The following ASAP1 variants were observed in gnomAD, a reference collection of about 807,000 sequenced individuals.
ASAP1 encodes the protein ArfGAP with SH3 domain, ankyrin repeat and PH domain 1, also known as arf-GAP with SH3 domain, ANK repeat and PH domain-containing protein 1.
Under a neutral mutation model 145.2 loss-of-function variants are expected in ASAP1, and 43 were observed. The observed-to-expected ratio is 0.30, with a 90% CI of 0.23 to 0.38. ASAP1 has a LOEUF of 0.38. Ranked by LOEUF, ASAP1 falls within the 10% of genes least tolerant of loss-of-function variation. ASAP1 has a pLI of 1.00. For synonymous variants in ASAP1, 546 were observed against 515.5 expected (o/e 1.06, Z -0.80); for missense variants, 1,018 against 1,355.3 (o/e 0.75, Z 3.91).
chr8:130,261,774 A>G (rs1251252395), intron 3 of ASAP1, among the ~76,000 whole-genome samples: 1 of 152,090 alleles, frequency 6.6e-6, no homozygotes, highest in Non-Finnish European at 1.5e-5. Flanking sequence ...GAGGGGGGCA[A>G]GGGACCTGGG....
chr8:130,215,553 C>T (rs1311356974), intron 4 of ASAP1, among the ~76,000 whole-genome samples: 1 of 152,094 alleles, frequency 6.6e-6, no homozygotes, highest in Non-Finnish European at 1.5e-5. Context: ...ACCATCCTGA[C>T]TAACACGGTG....
At chr8:130,395,063 C>T (rs1399873804) in intron 2 of ASAP1, among the ~76,000 whole-genome samples, 1 of 152,154 alleles carries the variant, frequency 6.6e-6, no homozygotes, top group Non-Finnish European at 1.5e-5. Flanking sequence ...AGAGCATTTC[C>T]CATCAACCAG....
intron 3 of ASAP1, among the ~76,000 whole-genome samples, chr8:130,321,336 G>A (rs1823990325): frequency 6.6e-6 from 1 of 152,036 alleles, no homozygotes; most frequent in African/African-American, 2.4e-5. Flanking sequence ...ATTTGACCAT[G>A]TGGGCTTACA....
intron 3 of ASAP1, among the ~76,000 whole-genome samples, chr8:130,268,625 A>C (rs1820410286): frequency 6.6e-6 from 1 of 152,182 alleles, no homozygotes. Flanking sequence ...GTAACGGTTA[A>C]AACAATGTAT....
At chr8:130,122,527 T>C (rs1403696963) in intron 18 of ASAP1, among the ~76,000 whole-genome samples, 1 of 152,228 alleles carries the variant, frequency 6.6e-6, no homozygotes, top group East Asian at 1.9e-4. Flanking sequence ...ATAGACCAAA[T>C]GCTGCTCCAA....
intron 29 of ASAP1, among the ~76,000 whole-genome samples, chr8:130,056,955 CG>C (rs200412481): frequency 1.3e-5 from 2 of 152,330 alleles, no homozygotes; most frequent in East Asian, 3.9e-4. Context: ...GGACTGCCCT[CG>C]CAGGTCACTC....
At chr8:130,298,102 A>T (rs1822398688) in intron 3 of ASAP1, among the ~76,000 whole-genome samples, 1 of 152,204 alleles carries the variant, frequency 6.6e-6, no homozygotes, top group African/African-American at 2.4e-5. Context: ...ATTCTGCTCT[A>T]ACATTTTTGG....
chr8:130,256,757 A>ATCCT (rs1554860214), intron 3 of ASAP1, among the ~76,000 whole-genome samples: 1 of 93,678 alleles, frequency 1.1e-5, no homozygotes, highest in African/African-American at 3.8e-5. Flanking sequence ...ATATATATAT[A>ATCCT]TATATATATA....
chr8:130,103,512 A>AC (rs2097532246), intron 24 of ASAP1, among the ~76,000 whole-genome samples: 1 of 150,266 alleles, frequency 6.7e-6, no homozygotes, highest in South Asian at 2.1e-4. Context: ...TTATTTTTTT[A>AC]TTTTTTTTGA....
rs138941571 is a variant in ASAP1 at position 130,375,676 on chromosome 8, T to G, written c.60-17533A>C. ...TGGAGGGCAAAGAAGGGAGTTCCCATGACTGCCCACCTGCCTTCACTCAAC... is the reference window on the plus strand; with the variant it reads ...TGGAGGGCAAAGAAGGGAGTTCCCAGGACTGCCCACCTGCCTTCACTCAAC... On this transcript the variant is annotated intron_variant, in intron 2 of 29. Transcript: ENST00000518721. Among the ~76,000 whole-genome samples the G allele has an allele frequency of 1.6e-4, 24 of 152,356 alleles. No homozygotes were observed. The East Asian group carries it at 4.0e-3, about 26-fold the overall frequency.
chr8:130,420,416 G>A (rs765267156), intron 1 of ASAP1, among the ~76,000 whole-genome samples: 4 of 152,136 alleles, frequency 2.6e-5, no homozygotes, highest in Non-Finnish European at 5.9e-5. Context: ...CTCCACTCCT[G>A]GCCATATACC....
rs557265754 is a variant in ASAP1, at chr8:130,348,612, C to A, written c.186+9405G>T. 1.5e-4 allele frequency among the ~76,000 whole-genome samples: 23 copies of A among 152,306 alleles called. No homozygotes were observed. The South Asian group carries it at 4.8e-3, about 32-fold the overall frequency. ...CAAGTGCCTCCTGATCTTGACCTAA[C>A]TCCTGCCCACAAATAATTAAAACTC... On this transcript the variant is annotated intron_variant, in intron 3 of 29. Transcript: ENST00000518721.
At chr8:130,118,119 A>C in intron 20 of ASAP1, 42 bp downstream of exon 20, 1 of 1,528,926 alleles carries the variant, frequency 6.5e-7, no homozygotes, top group Non-Finnish European at 9.0e-7. Context: ...TTAATTTATA[A>C]GGCATATTCA....
chr8:130,355,361 T>C (rs1195514899), intron 3 of ASAP1, among the ~76,000 whole-genome samples: 3 of 152,350 alleles, frequency 2.0e-5, no homozygotes, highest in East Asian at 3.9e-4. Context: ...GCTCTATGTA[T>C]GTGCATTAGT....
rs2097566180 is a variant in ASAP1 at position 130,121,689 on chromosome 8, CA to C, written c.1607+2323del. Among the ~76,000 whole-genome samples, 4 of 137,260 alleles carry C rather than the reference CA, an allele frequency of 2.9e-5. No homozygotes were observed. The South Asian group carries it at 9.4e-4, about 32-fold the overall frequency. 90.0% of individuals were successfully genotyped at this position (137,260 alleles called of 152,430 possible). ...ATCCCAGCTATTCGGGAGGCTGCGA[CA>C]GGAGAATCACTTGAACCCGGGAGGT... On this transcript the variant is annotated intron_variant, in intron 18 of 29. Coordinates refer to ENST00000518721, the MANE Select transcript of ASAP1 (RefSeq NM_018482.4).
chr8:130,347,898 C>T (rs1006422788), intron 3 of ASAP1, among the ~76,000 whole-genome samples: 1 of 152,182 alleles, frequency 6.6e-6, no homozygotes, highest in African/African-American at 2.4e-5. Flanking sequence ...CAATAAGTCC[C>T]CATTTTGCTT....
intron 5 of ASAP1, among the ~76,000 whole-genome samples, chr8:130,194,840 C>G (rs530861724): frequency 7.9e-5 from 12 of 151,946 alleles, no homozygotes; most frequent in African/African-American, 2.9e-4. Flanking sequence ...CAGCAAGGTT[C>G]CTAACAAAGA....
rs1250434879 is a variant in ASAP1, at chr8:130,337,547, G to GA, written c.186+20469dup. On this transcript the variant is annotated intron_variant, in intron 3 of 29. Transcript: ENST00000518721. Reference sequence around the variant, plus strand: ...CCTAACATGTCCATGATAATTAACAGAAAAAAATTGTTACATAATCCTATC... The same window carrying GA: ...CCTAACATGTCCATGATAATTAACAGAAAAAAAATTGTTACATAATCCTATC... Among the ~76,000 whole-genome samples, 10 of 152,168 alleles carry GA rather than the reference G, an allele frequency of 6.6e-5. No homozygotes were observed. In the East Asian group the frequency reaches 1.9e-3, roughly 29 times the overall value.
chr8:130,244,870 C>T (rs780834478), intron 3 of ASAP1, among the ~76,000 whole-genome samples: 1 of 152,094 alleles, frequency 6.6e-6, no homozygotes, highest in African/African-American at 2.4e-5. Flanking sequence ...CCTCTTGGAA[C>T]AAGCCAGGAA....
Sources: allele counts gnomAD v4.1 joint callset (sites outside exome capture counted in the v4.1 genomes callset), GRCh38; gene constraint gnomAD v4.1.1; transcripts MANE v1.5; gene names NCBI Gene and HGNC (gene_info 2026-07-23, HGNC 2026-07-21).